EPB41L4A: variants seen among roughly 807,000 people sequenced by gnomAD.
EPB41L4A encodes the protein band 4.1-like protein 4A.
Under a neutral mutation model 108.6 loss-of-function variants are expected in EPB41L4A, and 100 were observed. The ratio of observed to expected loss-of-function variants is 0.92; its 90% CI spans 0.78 to 1.09. EPB41L4A has a LOEUF of 1.09. EPB41L4A is among the 50% of genes least tolerant of loss of function. The pLI, the probability that EPB41L4A is intolerant of heterozygous loss-of-function variation, is 0.00. For missense variants in EPB41L4A, 1,030 were observed against 842.7 expected (o/e 1.22, Z -2.75); for synonymous variants, 319 against 289.0 (o/e 1.10, Z -1.05).
At chr5:112,165,677 C>T (rs1760200835) in intron 22 of EPB41L4A, among the ~76,000 whole-genome samples, 1 of 152,186 alleles carries the variant, frequency 6.6e-6, no homozygotes, top group East Asian at 1.9e-4. Flanking sequence ...ACAACTACTA[C>T]TTCTTATGCG....
At chr5:112,215,770 A>AAC (rs1554079187) in intron 12 of EPB41L4A, among the ~76,000 whole-genome samples, 5 of 145,964 alleles carry the variant, frequency 3.4e-5, no homozygotes, top group East Asian at 2.1e-4. Flanking sequence ...CTCAAAAAAA[A>AAC]AAAAAAACAA....
At chr5:112,354,090 G>A (rs1320702940) in intron 1 of EPB41L4A, among the ~76,000 whole-genome samples, 3 of 152,182 alleles carry the variant, frequency 2.0e-5, no homozygotes, top group Non-Finnish European at 4.4e-5. Context: ...CTGACTTTGA[G>A]CAAATAACCT....
chr5:112,366,233 A>G (rs953133750), intron 1 of EPB41L4A, among the ~76,000 whole-genome samples: 3 of 151,678 alleles, frequency 2.0e-5, no homozygotes, highest in African/African-American at 7.3e-5. Flanking sequence ...CTCCTTTTTT[A>G]TTCCCAGTTT....
intron 1 of EPB41L4A, among the ~76,000 whole-genome samples, chr5:112,387,470 CA>C (rs1056888511): frequency 2.4e-4 from 37 of 151,170 alleles, no homozygotes; most frequent in African/African-American, 7.8e-4. Context: ...ACTAAAAATA[CA>C]AAAAAAAATT....
chr5:112,314,498 T>G (rs1755279949), intron 1 of EPB41L4A, among the ~76,000 whole-genome samples: 1 of 71,450 alleles, frequency 1.4e-5, no homozygotes. Flanking sequence ...TGAAACCCCA[T>G]CGCTACTAAA....
intron 9 of EPB41L4A, among the ~76,000 whole-genome samples, chr5:112,256,235 C>T (rs1018226318): frequency 2.0e-5 from 3 of 152,092 alleles, no homozygotes; most frequent in South Asian, 2.1e-4. Flanking sequence ...GTAAAAAACA[C>T]GTATTCCTAA....
chr5:112,326,159 A>T (rs7722291), intron 1 of EPB41L4A, among the ~76,000 whole-genome samples: 27,843 of 151,658 alleles, frequency 0.18, 3,246 homozygotes, highest in African/African-American at 0.32. Flanking sequence ...CTTAAAAAAA[A>T]TTTTTTTTAA....
At chr5:112,195,267 G>A (rs1761905568) in intron 16 of EPB41L4A, among the ~76,000 whole-genome samples, 1 of 152,040 alleles carries the variant, frequency 6.6e-6, no homozygotes, top group Non-Finnish European at 1.5e-5. Context: ...CAACACGAAA[G>A]AGAAAGGCCC....
At chr5:112,355,124 T>C (rs189802516) in intron 1 of EPB41L4A, among the ~76,000 whole-genome samples, 325 of 152,328 alleles carry the variant, frequency 2.1e-3, no homozygotes, top group Middle Eastern at 6.8e-3. Flanking sequence ...CACAGATTTA[T>C]ACTCAAATTT....
At chr5:112,249,475 T>C (rs143864259) in intron 9 of EPB41L4A, 1 of 152,226 alleles carries the variant, frequency 6.6e-6, no homozygotes, top group Non-Finnish European at 1.5e-5. Context: ...AAAAATTTTA[T>C]CTTTCTAAAT....
At chr5:112,246,221 T>C (rs1750207485) in intron 9 of EPB41L4A, among the ~76,000 whole-genome samples, 1 of 152,188 alleles carries the variant, frequency 6.6e-6, no homozygotes, top group African/African-American at 2.4e-5. Context: ...AGTCATGCGT[T>C]GTATAAGGAT....
chr5:112,171,379 A>G (rs1219004451), intron 18 of EPB41L4A, among the ~76,000 whole-genome samples: 2 of 152,254 alleles, frequency 1.3e-5, no homozygotes, highest in Non-Finnish European at 2.9e-5. Context: ...AAAAGTTCCA[A>G]CATGATCTGT....
chr5:112,296,916 G>C (rs533775942), intron 2 of EPB41L4A, among the ~76,000 whole-genome samples: 6 of 152,044 alleles, frequency 3.9e-5, no homozygotes, highest in African/African-American at 1.2e-4. Context: ...ATATCATCAA[G>C]GTTGCTGTGA....
intron 1 of EPB41L4A, among the ~76,000 whole-genome samples, chr5:112,385,346 G>T (rs985889313): frequency 2.0e-5 from 3 of 152,068 alleles, no homozygotes; most frequent in African/African-American, 7.2e-5. Context: ...GGCATAGTAT[G>T]GAAAACCATT....
At chr5:112,376,833 T>G (rs998226471) in intron 1 of EPB41L4A, among the ~76,000 whole-genome samples, 6 of 151,602 alleles carry the variant, frequency 4.0e-5, no homozygotes, top group African/African-American at 1.5e-4. Context: ...GAAATAAAAT[T>G]ATAGAAACAG....
chr5:112,170,942 C>T lies in EPB41L4A; in HGVS notation c.1670+3G>A. The T allele has an allele frequency of 6.2e-7, 1 of 1,612,696 alleles. No individual in the cohort carries two copies. Among genetic ancestry groups the T allele is most frequent in the Non-Finnish European group, 8.5e-7 (1 of 1,178,784 alleles). On this transcript the variant is annotated splice_donor_region_variant and intron_variant, in intron 19 of 22. Coordinates refer to ENST00000261486, the MANE Select transcript of EPB41L4A (RefSeq NM_022140.5). ...AACAATAAGAAAGAAAACTATTACT[C>T]ACTGAATGTGCTTCCATAACTCTTC...
chr5:112,290,371 T>C (rs923549945), intron 2 of EPB41L4A, among the ~76,000 whole-genome samples: 1 of 152,216 alleles, frequency 6.6e-6, no homozygotes, highest in Non-Finnish European at 1.5e-5. Context: ...CTAGTGGAGC[T>C]GCCCTACAGT....
At chr5:112,197,224 C>T (rs896033541) in intron 15 of EPB41L4A, among the ~76,000 whole-genome samples, 3 of 152,222 alleles carry the variant, frequency 2.0e-5, no homozygotes, top group Non-Finnish European at 2.9e-5. Flanking sequence ...CACATCCCCC[C>T]TCATCTGCCC....
In EPB41L4A at chr5:112,283,748, C is replaced by T. The variant is rs184855099; in HGVS notation, c.205-3425G>A. Among the ~76,000 whole-genome samples the T allele has an allele frequency of 3.3e-5, 5 of 152,188 alleles. No homozygotes were observed. The South Asian group carries it at 6.2e-4, about 19-fold the overall frequency. The stretch of plus-strand genomic sequence containing the variant: ...TGGGAACACAAAGTTGAATGAGACC[C>T]GTGACTAACCTCGCACTCACAGCCC... On this transcript the variant is annotated intron_variant, in intron 2 of 22. Coordinates refer to ENST00000261486, the MANE Select transcript of EPB41L4A (RefSeq NM_022140.5).
Sources: allele counts gnomAD v4.1 joint callset (sites outside exome capture counted in the v4.1 genomes callset), GRCh38; gene constraint gnomAD v4.1.1; transcripts MANE v1.5; gene names NCBI Gene and HGNC (gene_info 2026-07-23, HGNC 2026-07-21).